WDR37: variants seen among roughly 807,000 people sequenced by gnomAD.
WDR37 encodes the protein WD repeat domain 37.
Under a neutral mutation model 62.9 loss-of-function variants are expected in WDR37, and 19 were observed. That is an observed-to-expected ratio of 0.30 (90% CI 0.21 to 0.44). WDR37 has a LOEUF of 0.44. Among genes scored for constraint, WDR37 ranks in the 20% least tolerant of loss-of-function variants. The pLI, the probability that WDR37 is intolerant of heterozygous loss-of-function variation, is 1.00. For missense variants in WDR37, 474 were observed against 657.6 expected, an observed-to-expected ratio of 0.72 and a Z score of 3.05; for synonymous variants, 250 against 260.9, an observed-to-expected ratio of 0.96 and a Z score of 0.40.
intron 11 of WDR37, among the ~76,000 whole-genome samples, chr10:1,120,365 G>A (rs1040983659): frequency 6.6e-6 from 1 of 152,230 alleles, no homozygotes; most frequent in Non-Finnish European, 1.5e-5. Context: ...GCTATGAAGC[G>A]CCGCCTCCGA....
Position 1,121,732 on chromosome 10 carries a change from C to G in WDR37, c.1104-2486C>G, listed in dbSNP as rs572902751. 2.0e-4 allele frequency among the ~76,000 whole-genome samples: 31 copies of G among 152,338 alleles called. 1 individual carries two copies. In the South Asian group the frequency reaches 6.4e-3, roughly 32 times the overall value. The stretch of plus-strand genomic sequence containing the variant: ...TACATCCACAGGCCAGGATGCTGCA[C>G]CACAGGGAAGGGCCCCGACCAGACA... On this transcript the variant is annotated intron_variant, in intron 11 of 13. Transcript: ENST00000263150. This position sits in a 1 kb window ranked among gnomAD's most constrained non-coding sequence, Gnocchi z 4.5.
At chr10:1,125,979 C>A (rs1341579314) in intron 13 of WDR37, among the ~76,000 whole-genome samples, 1 of 152,102 alleles carries the variant, frequency 6.6e-6, no homozygotes, top group African/African-American at 2.4e-5. Flanking sequence ...GCCCAGGGGG[C>A]CTGGGGGCCC....
intron 9 of WDR37, among the ~76,000 whole-genome samples, chr10:1,100,644 A>C (rs1834762881): frequency 6.6e-6 from 1 of 152,236 alleles, no homozygotes; most frequent in African/African-American, 2.4e-5. Flanking sequence ...GGCGTAGTGG[A>C]AACAGACTTA....
intron 6 of WDR37, 58 bp downstream of exon 6, chr10:1,084,596 G>A: frequency 1.9e-6 from 3 of 1,584,704 alleles, no homozygotes; most frequent in Non-Finnish European, 1.7e-6. Context: ...TAATCCCTGA[G>A]TGATGGACAT....
At chr10:1,111,362 T>C (rs921879489) in intron 11 of WDR37, among the ~76,000 whole-genome samples, 1 of 152,238 alleles carries the variant, frequency 6.6e-6, no homozygotes, top group African/African-American at 2.4e-5. Flanking sequence ...AGTTTTGTGA[T>C]CCAGTTTCCA....
At chr10:1,069,389 A>ATATATTTT in intron 1 of WDR37, among the ~76,000 whole-genome samples, 1 of 95,802 alleles carries the variant, frequency 1.0e-5, no homozygotes, top group African/African-American at 4.7e-5. Context: ...ATATATATAT[A>ATATATTTT]TTTTTTTTTT....
chr10:1,061,408 G>A (rs1241909691), intron 1 of WDR37, among the ~76,000 whole-genome samples: 1 of 152,150 alleles, frequency 6.6e-6, no homozygotes, highest in Non-Finnish European at 1.5e-5. Context: ...CGCCGGTTGA[G>A]CATCCTAATC....
chr10:1,072,075 C>A, intron 1 of WDR37, 41 bp from the exon 2 acceptor site: 1 of 1,508,586 alleles, frequency 6.6e-7, no homozygotes, highest in Non-Finnish European at 9.0e-7. Flanking sequence ...TTTGTTTCAA[C>A]TCGCTGTATC....
chr10:1,069,801 A>T (rs1175431554), intron 1 of WDR37, among the ~76,000 whole-genome samples: 1 of 152,196 alleles, frequency 6.6e-6, no homozygotes, highest in African/African-American at 2.4e-5. Context: ...TTGTTGGTTT[A>T]GTGAAATTAA....
intron 11 of WDR37, among the ~76,000 whole-genome samples, chr10:1,117,237 T>C (rs1419923728): frequency 3.9e-5 from 6 of 152,110 alleles, no homozygotes; most frequent in Non-Finnish European, 5.9e-5. Context: ...GTATTTTTTG[T>C]AGAGATGGAG....
At chr10:1,101,522 A>G (rs1248644965) in intron 9 of WDR37, among the ~76,000 whole-genome samples, 1 of 152,186 alleles carries the variant, frequency 6.6e-6, no homozygotes, top group Non-Finnish European at 1.5e-5. Context: ...TCCTGGGGTG[A>G]GGACTTCGAC....
chr10:1,107,179 G>A (rs1428751074), intron 11 of WDR37, among the ~76,000 whole-genome samples: 10 of 152,210 alleles, frequency 6.6e-5, no homozygotes, highest in African/African-American at 1.7e-4. Context: ...GCTGCAGCTC[G>A]GGGAGCGCTG....
intron 11 of WDR37, among the ~76,000 whole-genome samples, chr10:1,112,779 A>G (rs1835256791): frequency 6.6e-6 from 1 of 152,224 alleles, no homozygotes. Context: ...TGACTCTTCA[A>G]TTCTGTGAGG....
chr10:1,125,002 G>A lies in WDR37; in HGVS notation c.1331G>A (p.Arg444Gln). 2 of 1,614,198 alleles carry A rather than the reference G, an allele frequency of 1.2e-6. No homozygotes were observed. The highest frequency in any genetic ancestry group is 1.7e-6 in the Non-Finnish European group (2 of 1,180,028). The change falls in exon 13 of 14, where the codon CGG becomes CAG. Residue 444 changes from arginine to glutamine, a missense_variant. Coordinates refer to ENST00000263150, the MANE Select transcript of WDR37 (RefSeq NM_014023.4). ...LFDMSGVRLA[R>Q]LPRSSRQGHR... is the part of the protein sequence containing the mutation. ...GATATGTCAGGAGTGCGCCTGGCGCGGCTTCCCCGGAGCAGCCGACAGGTA... is the reference window on the plus strand; with the variant it reads ...GATATGTCAGGAGTGCGCCTGGCGCAGCTTCCCCGGAGCAGCCGACAGGTA...
At chr10:1,083,135 C>G (rs999444793) in intron 5 of WDR37, among the ~76,000 whole-genome samples, 10 of 152,166 alleles carry the variant, frequency 6.6e-5, no homozygotes, top group Non-Finnish European at 1.3e-4. Flanking sequence ...TATTTAACAT[C>G]TGAATGACAC....
intron 8 of WDR37, among the ~76,000 whole-genome samples, chr10:1,095,481 C>T (rs1189531946): frequency 3.3e-5 from 5 of 152,172 alleles, no homozygotes; most frequent in Non-Finnish European, 7.4e-5. Context: ...GTTGCAAGTC[C>T]GGGCAGTACA....
chr10:1,058,794 A>C (rs967963726), intron 1 of WDR37, among the ~76,000 whole-genome samples: 1 of 152,242 alleles, frequency 6.6e-6, no homozygotes, highest in African/African-American at 2.4e-5. Context: ...CCCACTAGGA[A>C]TTCGTCTAAC....
At chr10:1,125,211 C>T in intron 13 of WDR37, 187 bp downstream of exon 13, 1 of 670,776 alleles carries the variant, frequency 1.5e-6, no homozygotes, top group Non-Finnish European at 1.8e-6. Context: ...TATTCCACAC[C>T]TACTTCAGTG....
chr10:1,119,783 A>G (rs545970424), intron 11 of WDR37, among the ~76,000 whole-genome samples: 1 of 152,352 alleles, frequency 6.6e-6, no homozygotes, highest in African/African-American at 2.4e-5. Flanking sequence ...GCCTGCACAC[A>G]GCCAGTGCTT....
Sources: gnomAD v4.1 joint callset for allele counts (sites outside exome capture counted in the v4.1 genomes callset) on GRCh38, gnomAD v4.1.1 for gene constraint, Gnocchi (gnomAD v3.1) non-coding constraint, MANE v1.5 for transcripts, NCBI Gene and HGNC (gene_info 2026-07-23, HGNC 2026-07-21) for gene names.